Variants in SLC25A29 observed in about 807,000 individuals in gnomAD.
The protein encoded by SLC25A29 is solute carrier family 25 member 29.
SLC25A29 carries 13 observed loss-of-function variants against 10.0 expected under a neutral mutation model. The ratio of observed to expected loss-of-function variants is 1.30; its 90% CI spans 0.85 to 2.07. SLC25A29 has a LOEUF of 2.07. SLC25A29 is among the 30% of genes most tolerant of loss of function. The pLI, the probability that SLC25A29 is intolerant of heterozygous loss-of-function variation, is 0.00. For synonymous variants in SLC25A29, 244 were observed against 221.1 expected, an observed-to-expected ratio of 1.10 and a Z score of -0.92; for missense variants, 475 against 447.6, an observed-to-expected ratio of 1.06 and a Z score of -0.55.
In SLC25A29 at chr14:100,293,332, T is replaced by A. The variant is rs752236783; in HGVS notation, c.124A>T (p.Thr42Ser). The change falls in exon 3 of 4, where the codon ACG becomes TCG. Residue 42 changes from threonine (T) to serine (S), a missense_variant. Transcript: ENST00000359232. ...ATGATGGACTTGAAGCAGTGCAACG[T>A]CCCGCGGTACTGAGGCTTCTCCACG... ...QSVEKPQYRG[T>S]LHCFKSIIKQ... The A allele has an allele frequency of 2.5e-6, 4 of 1,613,426 alleles. No homozygotes were observed. Among genetic ancestry groups the A allele is most frequent in the Admixed American group, 1.7e-5 (1 of 60,008 alleles).
chr14:100,295,552 A>C, intron 2 of SLC25A29: 1 of 1,263,800 alleles, frequency 7.9e-7, no homozygotes, highest in Non-Finnish European at 1.0e-6. Flanking sequence ...TACGGAGGGA[A>C]CTCTGGGGTT....
In SLC25A29 at chr14:100,295,871, G is replaced by A. The variant is rs766343978; in HGVS notation, c.79-2494C>T. 3.3e-5 allele frequency: 43 copies of A among 1,289,790 alleles called. No individual in the cohort carries two copies. In the African/African-American group the frequency reaches 5.5e-4, roughly 16 times the overall value. The allele number at this position is 1,289,790 out of a possible 1,614,324, so 79.9% of individuals were successfully genotyped here. ...CTCCCTGATTATTGCTGTGTCCAAG[G>A]AAGCAGGACAGAAAACTCCCTTCGT... On this transcript the variant is annotated intron_variant, in intron 2 of 3. Coordinates refer to ENST00000359232, the MANE Select transcript of SLC25A29 (RefSeq NM_001039355.3).
intron 2 of SLC25A29, chr14:100,294,438 G>A (rs1435290769): frequency 6.6e-6 from 1 of 152,306 alleles, no homozygotes; most frequent in Non-Finnish European, 1.5e-5. Context: ...TCAGGGGCTG[G>A]TTCCCTAGGT....
intron 2 of SLC25A29, chr14:100,298,484 A>G: frequency 2.8e-6 from 1 of 361,242 alleles, no homozygotes; most frequent in South Asian, 2.3e-5. Context: ...TGTTCATGGG[A>G]GATATGAGTT....
At chr14:100,279,626 C>T in the SLC25A29 span, 1 of 152,222 alleles carries the variant, frequency 6.6e-6, no homozygotes, top group African/African-American at 2.4e-5. Context: ...GCCGAGGGCT[C>T]GGATGAGAAC....
intron 2 of SLC25A29, chr14:100,296,110 T>C (rs985852221): frequency 7.6e-6 from 8 of 1,058,960 alleles, no homozygotes; most frequent in East Asian, 6.0e-5. Flanking sequence ...TGCAATTATA[T>C]TCAACCAGGC....
chr14:100,298,723 G>C (rs1289784752), intron 2 of SLC25A29, 119 bp downstream of exon 2: 1 of 1,271,768 alleles, frequency 7.9e-7, no homozygotes. Context: ...AACCCGGCCT[G>C]GTGTAAAAGC....
intron 1 of SLC25A29, among the ~76,000 whole-genome samples, chr14:100,301,870 C>A (rs764399989): frequency 2.0e-5 from 3 of 152,026 alleles, no homozygotes; most frequent in Non-Finnish European, 2.9e-5. Flanking sequence ...GCCTCCCCCA[C>A]GACTCTCTGC....
the SLC25A29 span, among the ~76,000 whole-genome samples, chr14:100,283,110 A>G: frequency 6.6e-6 from 1 of 152,230 alleles, no homozygotes; most frequent in Non-Finnish European, 1.5e-5. Flanking sequence ...AGCCCATGTC[A>G]GCCCTGGAAG....
chr14:100,289,279 C>T (rs1390706895), downstream of SLC25A29, among the ~76,000 whole-genome samples: 2 of 152,160 alleles, frequency 1.3e-5, no homozygotes, highest in Admixed American at 1.3e-4. Flanking sequence ...ATGCAATCTC[C>T]AGGATCACTG....
chr14:100,295,833 G>A (rs1333894515), intron 2 of SLC25A29: 4 of 1,289,706 alleles, frequency 3.1e-6, no homozygotes, highest in Non-Finnish European at 4.0e-6. Flanking sequence ...CTCATCATAG[G>A]TCAAGACAAC....
chr14:100,285,379 TG>T, the SLC25A29 span, among the ~76,000 whole-genome samples: 289 of 151,916 alleles, frequency 1.9e-3, 1 homozygote, highest in African/African-American at 6.6e-3. Context: ...GACCTGCGCC[TG>T]GGCCCCCACC....
rs1416660606 is a variant in SLC25A29, at chr14:100,299,006, AC to A, written c.35-122del. 11 of 1,501,076 alleles carry A rather than the reference AC, an allele frequency of 7.3e-6. No homozygotes were observed. The African/African-American group carries it at 1.5e-4, about 21-fold the overall frequency. The allele number at this position is 1,501,076 out of a possible 1,614,324, so 93.0% of individuals were successfully genotyped here. On this transcript the variant is annotated intron_variant, in intron 1 of 3. Coordinates refer to ENST00000359232, the MANE Select transcript of SLC25A29 (RefSeq NM_001039355.3). ...AGCTGCTGCCGGGGAAAGGACATTG[AC>A]CAAGCACCTGTGGGTGCAGCAGGCA...
At chr14:100,293,401 A>T (rs3809409) in intron 2 of SLC25A29, 24 bp from the exon 3 acceptor site, 8 of 1,605,626 alleles carry the variant, frequency 5.0e-6, no homozygotes, top group Non-Finnish European at 6.8e-6. Flanking sequence ...GTCCAGTGAG[A>T]GGCAGGCAGG....
chr14:100,299,035 T>G (rs915452096), intron 1 of SLC25A29, 150 bp from the exon 2 acceptor site: 83 of 1,458,944 alleles, frequency 5.7e-5, no homozygotes, highest in Admixed American at 3.1e-4. Flanking sequence ...AGCAGGCAGA[T>G]CCCATGAGCC....
At chr14:100,294,599 A>G (rs1349315117) in intron 2 of SLC25A29, 2 of 152,128 alleles carry the variant, frequency 1.3e-5, no homozygotes, top group African/African-American at 4.8e-5. Flanking sequence ...AGGCTCAGAG[A>G]TGTTTAACAA....
At chr14:100,294,950 TTCTGGGGCC>T (rs1892037505) in intron 2 of SLC25A29, 1 of 152,268 alleles carries the variant, frequency 6.6e-6, no homozygotes, top group Non-Finnish European at 1.5e-5. Flanking sequence ...CCCTTCAATG[TTCTGGGGCC>T]TCTGGGGGGA....
At chr14:100,286,753 C>A (rs1333191290), downstream of SLC25A29, among the ~76,000 whole-genome samples, 2 of 152,338 alleles carry the variant, frequency 1.3e-5, no homozygotes, top group East Asian at 3.9e-4. Context: ...GTGTAAGAAG[C>A]AGCAAGGAAG....
At chr14:100,283,592 TCTC>T in the SLC25A29 span, among the ~76,000 whole-genome samples, 1 of 151,736 alleles carries the variant, frequency 6.6e-6, no homozygotes, top group African/African-American at 2.4e-5. Context: ...TTCAAGCGGT[TCTC>T]CTGCCTCAGC....
Sources: allele counts gnomAD v4.1 joint callset (sites outside exome capture counted in the v4.1 genomes callset), GRCh38; gene constraint gnomAD v4.1.1; transcripts MANE v1.5; gene names NCBI Gene and HGNC (gene_info 2026-07-23, HGNC 2026-07-21).